CNOT4: variants seen among roughly 807,000 people sequenced by gnomAD.
CNOT4 encodes the protein CCR4-NOT transcription complex subunit 4.
In CNOT4, 8 loss-of-function variants were observed where a neutral mutation model predicts 73.8. That is an observed-to-expected ratio of 0.11 (90% confidence interval 0.06 to 0.20). The LOEUF (loss-of-function observed/expected upper bound fraction) is 0.20, where lower values mean the gene tolerates loss of function less well. CNOT4 is among the 10% of genes least tolerant of loss of function. The pLI is 1.00. For missense variants in CNOT4, 564 were observed against 883.4 expected (o/e 0.64, Z 4.58); for synonymous variants, 293 against 321.1 (o/e 0.91, Z 0.94).
rs2696882 is a variant in CNOT4, at chr7:135,469,882, C to T, written c.-92-31459G>A. ...TGTTGCCCAGGCTGGAGTGCAGTGG[C>T]GCAATCTCAGCCCATTGCAACCTCC... On this transcript the variant is annotated intron_variant, in intron 1 of 11. Transcript: ENST00000541284. 2.4e-3 allele frequency among the ~76,000 whole-genome samples: 360 copies of T among 152,088 alleles called. 13 individuals carry two copies. In the East Asian group the frequency reaches 0.055, roughly 23 times the overall value.
intron 2 of CNOT4, among the ~76,000 whole-genome samples, chr7:135,423,568 AC>A (rs1285239314): frequency 1.3e-5 from 2 of 152,026 alleles, no homozygotes; most frequent in Non-Finnish European, 2.9e-5. Context: ...CACAACTTTT[AC>A]TAGTATATAC....
chr7:135,506,740 C>G (rs1428713908), intron 1 of CNOT4, among the ~76,000 whole-genome samples: 3 of 151,684 alleles, frequency 2.0e-5, no homozygotes, highest in Non-Finnish European at 2.9e-5. Flanking sequence ...CCCAGCTACT[C>G]AAGAGACTGA....
intron 2 of CNOT4, among the ~76,000 whole-genome samples, chr7:135,423,485 A>C (rs1280308630): frequency 6.6e-6 from 1 of 151,712 alleles, no homozygotes; most frequent in Non-Finnish European, 1.5e-5. Flanking sequence ...AAAAAAAAAA[A>C]CCTCTCAAAT....
chr7:135,411,326 T>C (rs943223365), intron 6 of CNOT4, among the ~76,000 whole-genome samples: 3 of 152,008 alleles, frequency 2.0e-5, no homozygotes, highest in Admixed American at 6.6e-5. Context: ...CATTTACATA[T>C]TGTATTTGGC....
chr7:135,426,198 G>A (rs1217733231), intron 2 of CNOT4, among the ~76,000 whole-genome samples: 1 of 151,924 alleles, frequency 6.6e-6, no homozygotes, highest in Admixed American at 6.6e-5. Flanking sequence ...TGGGTGACAA[G>A]GCAAGACCCT....
At chr7:135,376,718 A>T (rs1563012839) in intron 10 of CNOT4, among the ~76,000 whole-genome samples, 2 of 152,200 alleles carry the variant, frequency 1.3e-5, no homozygotes, top group Non-Finnish European at 2.9e-5. Flanking sequence ...AATAGTAAAG[A>T]TCAGTCAGTC....
intron 1 of CNOT4, among the ~76,000 whole-genome samples, chr7:135,487,167 A>C (rs1033909742): frequency 6.6e-6 from 1 of 151,500 alleles, no homozygotes; most frequent in African/African-American, 2.4e-5. Context: ...TTTAAAAAAA[A>C]GTTTTAGCTT....
chr7:135,432,322 C>A (rs972209148), intron 2 of CNOT4, among the ~76,000 whole-genome samples: 7 of 152,270 alleles, frequency 4.6e-5, no homozygotes, highest in African/African-American at 1.4e-4. Context: ...ATGACCCCTA[C>A]CTCACATGTG....
chr7:135,505,677 A>G (rs904078869), intron 1 of CNOT4, among the ~76,000 whole-genome samples: 2 of 152,206 alleles, frequency 1.3e-5, no homozygotes, highest in African/African-American at 4.8e-5. Flanking sequence ...AAAAGTAATC[A>G]TCTTCTTTTT....
In CNOT4 at chr7:135,370,876, A is replaced by G. The variant is rs79241751; in HGVS notation, c.1628-6810T>C. On this transcript the variant is annotated intron_variant, in intron 10 of 11. Coordinates refer to ENST00000541284, the MANE Select transcript of CNOT4 (RefSeq NM_001190850.2). ...CTGAAGGAAATGAGCCACTAAGATGATATGTTTTTAATAGCATTTCAGATG... is the reference window on the plus strand; with the variant it reads ...CTGAAGGAAATGAGCCACTAAGATGGTATGTTTTTAATAGCATTTCAGATG... 2.2e-3 allele frequency among the ~76,000 whole-genome samples: 341 copies of G among 152,328 alleles called. 12 individuals carry two copies. The East Asian group carries it at 0.054, about 24-fold the overall frequency.
intron 1 of CNOT4, among the ~76,000 whole-genome samples, chr7:135,440,525 T>C (rs1354247392): frequency 1.3e-5 from 2 of 152,178 alleles, no homozygotes; most frequent in African/African-American, 2.4e-5. Context: ...AGCTGTGCTC[T>C]TAACAACTCC....
At chr7:135,379,972 C>A (rs1283781921) in intron 10 of CNOT4, among the ~76,000 whole-genome samples, 1 of 152,076 alleles carries the variant, frequency 6.6e-6, no homozygotes, top group Non-Finnish European at 1.5e-5. Flanking sequence ...GGGCCAAGAT[C>A]TCACTATATT....
chr7:135,439,507 G>T (rs545569061), intron 1 of CNOT4, among the ~76,000 whole-genome samples: 1 of 152,326 alleles, frequency 6.6e-6, no homozygotes, highest in African/African-American at 2.4e-5. Flanking sequence ...GCTCATGACT[G>T]TAATCCCAGC....
intron 10 of CNOT4, among the ~76,000 whole-genome samples, chr7:135,371,501 G>C (rs998640903): frequency 6.6e-6 from 1 of 152,190 alleles, no homozygotes; most frequent in African/African-American, 2.4e-5. Flanking sequence ...GCATCCCATA[G>C]AGAACACAGG....
intron 1 of CNOT4, among the ~76,000 whole-genome samples, chr7:135,486,806 T>A (rs1802749609): frequency 6.6e-6 from 1 of 152,134 alleles, no homozygotes; most frequent in South Asian, 2.1e-4. Flanking sequence ...TGAGGCTGTG[T>A]CACAGGACAA....
intron 1 of CNOT4, among the ~76,000 whole-genome samples, chr7:135,479,733 T>C (rs1802239965): frequency 6.6e-6 from 1 of 151,452 alleles, no homozygotes; most frequent in Non-Finnish European, 1.5e-5. Context: ...CTGGTCTCTA[T>C]AAAAAACACA....
chr7:135,395,707 A>G lies in CNOT4; in HGVS notation c.1056T>C (p.Pro352=), dbSNP rs757287072. Residue 352 remains proline (P), a synonymous_variant, in exon 9 of 12, where the codon CCT becomes CCC. Coordinates refer to ENST00000541284, the MANE Select transcript of CNOT4 (RefSeq NM_001190850.2). ...ATGTCTGTGGGGAGCTGGGGAAAGG[A>G]GGAAGCCCACTTGGGATAGGGTTGG... ...RHPNPIPSGL[P]PFPSSPQTSS... The G allele has an allele frequency of 5.0e-6, 8 of 1,614,006 alleles. No individual in the cohort carries two copies. The highest frequency in any genetic ancestry group is 6.8e-6 in the Non-Finnish European group (8 of 1,179,932).
chr7:135,438,421 G>T lies in CNOT4; in HGVS notation c.-90C>A. ...GAAAGCTAAAATGTAGGACTTTGACGACCTGCATGAGAAGAAACAAAATAC... is the reference window on the plus strand; with the variant it reads ...GAAAGCTAAAATGTAGGACTTTGACTACCTGCATGAGAAGAAACAAAATAC... On this transcript the variant is annotated splice_region_variant and 5_prime_UTR_variant, in exon 2 of 12. Coordinates refer to ENST00000541284, the MANE Select transcript of CNOT4 (RefSeq NM_001190850.2). 1 of 1,017,166 alleles carries T rather than the reference G, an allele frequency of 9.8e-7. No homozygotes were observed. Among genetic ancestry groups the T allele is most frequent in the Non-Finnish European group, 1.4e-6 (1 of 725,896 alleles). 63.0% of individuals were successfully genotyped at this position (1,017,166 alleles called of 1,614,324 possible).
intron 10 of CNOT4, among the ~76,000 whole-genome samples, chr7:135,373,329 G>T (rs1452607924): frequency 1.3e-5 from 2 of 152,142 alleles, no homozygotes; most frequent in African/African-American, 4.8e-5. Flanking sequence ...CTATCTTTAG[G>T]TAAGAGCATG....
Sources: allele counts gnomAD v4.1 joint callset (sites outside exome capture counted in the v4.1 genomes callset), GRCh38; gene constraint gnomAD v4.1.1; transcripts MANE v1.5; gene names NCBI Gene and HGNC (gene_info 2026-07-23, HGNC 2026-07-21).